The following LRP8 variants were observed in gnomAD, a reference collection of about 807,000 sequenced individuals.
LRP8 encodes LDL receptor related protein 8, also known as low-density lipoprotein receptor-related protein 8.
Under a neutral mutation model 111.6 loss-of-function variants are expected in LRP8, and 46 were observed. That is an observed-to-expected ratio of 0.41 (90% confidence interval 0.33 to 0.53). The LOEUF is 0.53. Among genes scored for constraint, LRP8 ranks in the 20% least tolerant of loss-of-function variants. The pLI is 0.20. For synonymous variants in LRP8, 464 were observed against 511.2 expected, an observed-to-expected ratio of 0.91 and a Z score of 1.24; for missense variants, 959 against 1,297.4, an observed-to-expected ratio of 0.74 and a Z score of 4.01.
At position 53,256,370 on chromosome 1, in the gene LRP8, T is replaced by C. The variant is rs146606257; in HGVS notation, c.2434+870A>G. ...CCACAGCGAACACTGGACAGTGATA[T>C]TAAAACCTAGAGCATGAGGAAGCCA... is the stretch of plus-strand genomic sequence containing the variant. On this transcript the variant is annotated intron_variant, in intron 15 of 18. Coordinates refer to ENST00000306052, the MANE Select transcript of LRP8 (RefSeq NM_004631.5). Among the ~76,000 whole-genome samples the C allele has an allele frequency of 4.6e-5, 7 of 152,364 alleles. No individual in the cohort carries two copies. In the East Asian group the frequency reaches 1.3e-3, roughly 29 times the overall value.
intron 2 of LRP8, among the ~76,000 whole-genome samples, chr1:53,298,836 C>T (rs903746201): frequency 3.9e-5 from 6 of 152,238 alleles, no homozygotes; most frequent in Non-Finnish European, 5.9e-5. Context: ...ATTCCAGGCC[C>T]TGTTCTTGCC....
intron 2 of LRP8, among the ~76,000 whole-genome samples, chr1:53,306,670 C>A (rs895220435): frequency 8.5e-5 from 13 of 152,308 alleles, no homozygotes; most frequent in African/African-American, 3.1e-4. Context: ...AGAGTGCTGG[C>A]ACCAGGCAGA....
chr1:53,246,969 T>C lies in LRP8; in HGVS notation c.*49A>G, dbSNP rs755280439. The C allele has an allele frequency of 3.3e-6, 5 of 1,529,536 alleles. No individual in the cohort carries two copies. The East Asian group carries it at 1.1e-4, about 35-fold the overall frequency. 94.7% of individuals were successfully genotyped at this position (1,529,536 alleles called of 1,614,324 possible). The stretch of plus-strand genomic sequence containing the variant: ...ATCCAGTCATACACCATCCAGAGTG[T>C]AGTGCATGGGACTGAATTCCATGAG... On this transcript the variant is annotated 3_prime_UTR_variant, in exon 19 of 19. Transcript: ENST00000306052.
rs898335741 is a variant in LRP8 at position 53,279,913 on chromosome 1, T to A, written c.496+674A>T. ...CCCCTCGAATTGAAAAAGTGAGGCC[T>A]GGCCATGCTCCCCAATGGCCCAGGC... On this transcript the variant is annotated intron_variant, in intron 4 of 18. Coordinates refer to ENST00000306052, the MANE Select transcript of LRP8 (RefSeq NM_004631.5). This position sits in a 1 kb window ranked among gnomAD's most constrained non-coding sequence, Gnocchi z 4.4. Among the ~76,000 whole-genome samples, 1 of 152,224 alleles carries A rather than the reference T, an allele frequency of 6.6e-6. No individual in the cohort carries two copies. Among genetic ancestry groups the A allele is most frequent in the Non-Finnish European group, 1.5e-5 (1 of 68,030 alleles).
intron 2 of LRP8, among the ~76,000 whole-genome samples, chr1:53,298,711 T>A (rs969658039): frequency 3.9e-5 from 6 of 152,148 alleles, no homozygotes; most frequent in Admixed American, 3.3e-4. Context: ...AAACGTGGCC[T>A]CCTCTGACCA....
chr1:53,312,179 G>A (rs575266903), intron 2 of LRP8, among the ~76,000 whole-genome samples: 11 of 152,268 alleles, frequency 7.2e-5, no homozygotes, highest in African/African-American at 2.6e-4. Flanking sequence ...GCAGAGATGG[G>A]GAAACAGGCC....
Position 53,249,369 on chromosome 1 carries a change from C to G in LRP8, c.2853+11G>C. On this transcript the variant is annotated intron_variant, in intron 18 of 18. Coordinates refer to ENST00000306052, the MANE Select transcript of LRP8 (RefSeq NM_004631.5). This position sits in a 1 kb window ranked among gnomAD's most constrained non-coding sequence, Gnocchi z 4.1. The stretch of plus-strand genomic sequence containing the variant: ...CACCAGCCCCTCAGACTTAGAGTGG[C>G]ACTGCCCTACCTTGGATTTGACGAC... 2 of 1,612,898 alleles carry G rather than the reference C, an allele frequency of 1.2e-6. No individual in the cohort carries two copies. Among genetic ancestry groups the G allele is most frequent in the Non-Finnish European group, 1.7e-6 (2 of 1,179,276 alleles).
chr1:53,318,647 C>T (rs1237384522), intron 2 of LRP8, among the ~76,000 whole-genome samples: 11 of 152,230 alleles, frequency 7.2e-5, no homozygotes, highest in African/African-American at 7.2e-5. Context: ...CATCTATCAA[C>T]GGGAGAAAAT....
At chr1:53,257,734 G>C (rs1014759025) in intron 14 of LRP8, among the ~76,000 whole-genome samples, 2 of 152,178 alleles carry the variant, frequency 1.3e-5, no homozygotes, top group African/African-American at 4.8e-5. Flanking sequence ...GGGGAAATCA[G>C]ATAAATCTAG....
chr1:53,325,319 GGTTT>G (rs769421090), intron 2 of LRP8, among the ~76,000 whole-genome samples: 1 of 152,122 alleles, frequency 6.6e-6, no homozygotes, highest in Non-Finnish European at 1.5e-5. Flanking sequence ...AGTTTTTGTT[GGTTT>G]GTTTGTTTTG....
chr1:53,290,321 G>T (rs1648470843), intron 2 of LRP8, among the ~76,000 whole-genome samples: 1 of 148,468 alleles, frequency 6.7e-6, no homozygotes, highest in Non-Finnish European at 1.5e-5. Context: ...CCTCCTATCT[G>T]TGTGACCTTG....
rs556395540 is a variant in LRP8, at chr1:53,266,364, A to G, written c.1427+109T>C. ...ATCCTGCATCTCTTCCCAAGTCCCA[A>G]CTCTGTCCTGAGGAGCTCTAGAGGC... is the stretch of plus-strand genomic sequence containing the variant. On this transcript the variant is annotated intron_variant, in intron 9 of 18. Transcript: ENST00000306052. The surrounding 1 kb of genome is among the most constrained non-coding windows in gnomAD (Gnocchi z 5.0). The G allele has an allele frequency of 1.8e-4, 209 of 1,171,576 alleles. No homozygotes were observed. In the African/African-American group the frequency reaches 3.0e-3, roughly 17 times the overall value. 72.6% of individuals were successfully genotyped at this position (1,171,576 alleles called of 1,614,324 possible).
rs770030360 is a variant in LRP8 at position 53,262,603 on chromosome 1, G to A, written c.1656-39C>T. 2.0e-5 allele frequency: 31 copies of A among 1,534,716 alleles called. No homozygotes were observed. In the East Asian group the frequency reaches 6.3e-4, roughly 31 times the overall value. On this transcript the variant is annotated intron_variant, in intron 10 of 18. Transcript: ENST00000306052. This position sits in a 1 kb window ranked among gnomAD's most constrained non-coding sequence, Gnocchi z 4.8. ...TAACCCAATTTGCCTTCTTGCTGGG[G>A]ACATGACCGGGGTGGTCTGAGTCAC...
In LRP8 at chr1:53,264,234, G is replaced by A. The variant is rs757572595; in HGVS notation, c.1590C>T (p.Arg530=). The change falls in exon 10 of 19, where the codon CGC becomes CGT. Residue 530 remains arginine (R), a synonymous_variant. Coordinates refer to ENST00000306052, the MANE Select transcript of LRP8 (RefSeq NM_004631.5). The stretch of plus-strand genomic sequence containing the variant: ...GGTTACGGCTGAAGAGAGTGCGTCG[G>A]CGGCCACCATCAACTGTGGCCACTG... ...TISVATVDGG[R]RRTLFSRNLS... is the part of the protein sequence containing the mutation. The A allele has an allele frequency of 4.3e-6, 7 of 1,613,994 alleles. No homozygotes were observed. The highest frequency in any genetic ancestry group is 5.9e-6 in the Non-Finnish European group (7 of 1,180,026).
intron 14 of LRP8, among the ~76,000 whole-genome samples, 167 bp from the exon 15 acceptor site, chr1:53,257,631 T>G (rs1646151149): frequency 6.6e-6 from 1 of 152,250 alleles, no homozygotes. Flanking sequence ...TTTAGCTGAA[T>G]GCTAAGCACT....
intron 16 of LRP8, among the ~76,000 whole-genome samples, chr1:53,251,558 G>GT (rs1645895996): frequency 6.6e-6 from 1 of 150,498 alleles, no homozygotes; most frequent in Non-Finnish European, 1.5e-5. Flanking sequence ...GTGATTAGCA[G>GT]TCACTCTGAG....
In LRP8 at chr1:53,312,595, T is replaced by C. The variant is rs148287500; in HGVS notation, c.244+14278A>G. Among the ~76,000 whole-genome samples the C allele has an allele frequency of 5.0e-3, 760 of 151,944 alleles. 2 individuals are homozygous for C. Among genetic ancestry groups the C allele is most frequent in the Admixed American group, 0.011 (174 of 15,268 alleles). On this transcript the variant is annotated intron_variant, in intron 2 of 18. Coordinates refer to ENST00000306052, the MANE Select transcript of LRP8 (RefSeq NM_004631.5). Reference sequence around the variant, plus strand: ...CTGGCCTTGAACTCCCGGCCTTAAGTGATCCTCCCATCTCAGCCTCCCGAA... The same window carrying C: ...CTGGCCTTGAACTCCCGGCCTTAAGCGATCCTCCCATCTCAGCCTCCCGAA...
chr1:53,327,926 C>T lies in LRP8; in HGVS notation c.-14G>A. ...GGGGAGGCCCATGGCGGGCCCGGGGCTCCGGCCGCCGCGCCCCGCGCTCCC... is the reference window on the plus strand; with the variant it reads ...GGGGAGGCCCATGGCGGGCCCGGGGTTCCGGCCGCCGCGCCCCGCGCTCCC... On this transcript the variant is annotated 5_prime_UTR_variant, in exon 1 of 19. Transcript: ENST00000306052. 1 of 1,197,926 alleles carries T rather than the reference C, an allele frequency of 8.3e-7. No individual in the cohort carries two copies. The highest frequency in any genetic ancestry group is 1.0e-6 in the Non-Finnish European group (1 of 968,752). The allele number at this position is 1,197,926 out of a possible 1,614,324, so 74.2% of individuals were successfully genotyped here. A position where few individuals can be genotyped will look rare whatever the true frequency, so the allele number is the denominator to read the frequency against.
At chr1:53,321,758 G>T (rs145680269) in intron 2 of LRP8, among the ~76,000 whole-genome samples, 4 of 152,254 alleles carry the variant, frequency 2.6e-5, no homozygotes, top group Admixed American at 1.3e-4. Flanking sequence ...GCTAGGGCCT[G>T]CTGGGCAGTG....
Sources: gnomAD v4.1 joint callset for allele counts (sites outside exome capture counted in the v4.1 genomes callset) on GRCh38, gnomAD v4.1.1 for gene constraint, Gnocchi (gnomAD v3.1) non-coding constraint, MANE v1.5 for transcripts, NCBI Gene and HGNC (gene_info 2026-07-23, HGNC 2026-07-21) for gene names.